The following BCAR1 variants were observed in gnomAD, a reference collection of about 807,000 sequenced individuals.
The protein encoded by BCAR1 is BCAR1 scaffold protein, Cas family member, also known as breast cancer anti-estrogen resistance protein 1.
BCAR1 carries 30 observed loss-of-function variants against 67.6 expected under a neutral mutation model. That is an observed-to-expected ratio of 0.44 (90% confidence interval 0.33 to 0.60). The LOEUF (loss-of-function observed/expected upper bound fraction) is 0.60, where lower values mean the gene tolerates loss of function less well. Among genes scored for constraint, BCAR1 ranks in the 20% least tolerant of loss-of-function variants. The pLI is 0.02. For synonymous variants in BCAR1, 626 were observed against 556.7 expected (o/e 1.12, Z -1.75); for missense variants, 1,313 against 1,222.3 (o/e 1.07, Z -1.11).
intron 1 of BCAR1, chr16:75,247,825 C>A (rs957201735): frequency 2.3e-5 from 13 of 571,618 alleles, no homozygotes; most frequent in Non-Finnish European, 3.8e-5. Context: ...GACCTCAGCA[C>A]CCGCAAGCCA....
intron 6 of BCAR1, among the ~76,000 whole-genome samples, chr16:75,231,912 G>T (rs771027369): frequency 2.6e-5 from 4 of 152,136 alleles, no homozygotes; most frequent in Non-Finnish European, 4.4e-5. Flanking sequence ...ACGGAGTTTC[G>T]CTCTTGTTGC....
chr16:75,252,874 G>T (rs1597266385), upstream of BCAR1, among the ~76,000 whole-genome samples: 1 of 152,298 alleles, frequency 6.6e-6, no homozygotes, highest in South Asian at 2.1e-4. Flanking sequence ...AAAGGGGCTA[G>T]GACAGCCCAT....
chr16:75,243,447 G>A (rs747099059), intron 1 of BCAR1: 15 of 567,060 alleles, frequency 2.6e-5, no homozygotes, highest in South Asian at 2.2e-4. Flanking sequence ...TCACGACAAA[G>A]CTGCCAAGTT....
upstream of BCAR1, among the ~76,000 whole-genome samples, chr16:75,252,880 C>T (rs976696636): frequency 2.6e-5 from 4 of 152,180 alleles, no homozygotes; most frequent in African/African-American, 4.8e-5. Flanking sequence ...GCTAGGACAG[C>T]CCATGATTTG....
rs777167754 is a variant in BCAR1, at chr16:75,237,352, C to T, written c.634-8G>A. ...GCGGGTGGGCACCACCACCTGGGGG[C>T]AGAGAGCCGACTTCACTGCTGCCCT... On this transcript the variant is annotated splice_polypyrimidine_tract_variant and splice_region_variant and intron_variant, in intron 2 of 6. Transcript: ENST00000162330. 1 of 1,460,880 alleles carries T rather than the reference C, an allele frequency of 6.8e-7. No individual in the cohort carries two copies. The highest frequency in any genetic ancestry group is 9.0e-7 in the Non-Finnish European group (1 of 1,108,162). The allele number at this position is 1,460,880 out of a possible 1,614,324, so 90.5% of individuals were successfully genotyped here.
intron 2 of BCAR1, among the ~76,000 whole-genome samples, chr16:75,240,193 C>G (rs2077290272): frequency 6.6e-6 from 1 of 152,212 alleles, no homozygotes. Flanking sequence ...TCCTGAGAGC[C>G]AGTGTCCCTC....
At chr16:75,250,597 C>A in intron 1 of BCAR1, 5 of 978,402 alleles carry the variant, frequency 5.1e-6, no homozygotes, top group Non-Finnish European at 6.1e-6. Flanking sequence ...ACTCGAAACC[C>A]CAACATCTTC....
intron 6 of BCAR1, among the ~76,000 whole-genome samples, chr16:75,230,733 G>A (rs949559128): frequency 2.0e-5 from 3 of 152,266 alleles, no homozygotes; most frequent in African/African-American, 4.8e-5. Context: ...CACCCTAGGC[G>A]CAAAGATCCA....
At chr16:75,263,953 G>T in intron 1 of BCAR1, 3 of 1,129,076 alleles carry the variant, frequency 2.7e-6, no homozygotes, top group Non-Finnish European at 3.3e-6. Flanking sequence ...GAGAGCCACG[G>T]TGATCTGCCA....
chr16:75,245,964 CTTTTTTTTTTTTTTTTTT>C (rs60320561), intron 1 of BCAR1: 3 of 49,634 alleles, frequency 6.0e-5, no homozygotes, highest in South Asian at 1.1e-3. Flanking sequence ...TAGGATTGTT[CTTTTTTTTTTTTTTTTTT>C]TTTTTTTTTT....
At chr16:75,258,710 A>G (rs556602190) in intron 1 of BCAR1, among the ~76,000 whole-genome samples, 13 of 152,258 alleles carry the variant, frequency 8.5e-5, no homozygotes, top group Admixed American at 2.0e-4. Context: ...AAAATAGCAC[A>G]GGCAAGCCAA....
chr16:75,242,790 T>C lies in BCAR1; in HGVS notation c.313A>G (p.Asn105Asp). The C allele has an allele frequency of 6.2e-7, 1 of 1,600,190 alleles. No homozygotes were observed. Among genetic ancestry groups the C allele is most frequent in the Non-Finnish European group, 8.5e-7 (1 of 1,173,616 alleles). ...CTGTCTGGCTGGGGCTGGTAGGTGT[T>C]GGGGAGCATGGGCGTGTACTGGGAG... ...PASQYTPMLP[N>D]TYQPQPDSVY... Residue 105 changes from asparagine to aspartate, a missense_variant, in exon 2 of 7, where the codon AAC becomes GAC. Physicochemically the swap from Asn to Asp is conservative, Grantham distance 23. Coordinates refer to ENST00000162330, the MANE Select transcript of BCAR1 (RefSeq NM_014567.5).
chr16:75,263,640 T>C (rs1001255648), intron 1 of BCAR1: 1 of 985,322 alleles, frequency 1.0e-6, no homozygotes, highest in African/African-American at 1.7e-5. Flanking sequence ...TCTCTCACCC[T>C]GCTTCCCCTC....
chr16:75,230,327 T>C (rs932279290), intron 6 of BCAR1, among the ~76,000 whole-genome samples: 2 of 152,114 alleles, frequency 1.3e-5, no homozygotes, highest in Non-Finnish European at 2.9e-5. Flanking sequence ...GTCACCGTCC[T>C]GGCTTGGGTA....
rs1439839147 is a variant in BCAR1 at position 75,235,288 on chromosome 16, C to T, written c.1611G>A (p.Leu537=). Reference sequence around the variant, plus strand: ...GCAGCTGCCGGCTAAGCTTGGCATGCAGGGCACGGTCAGATGTGTGGGCAG... The same window carrying T: ...GCAGCTGCCGGCTAAGCTTGGCATGTAGGGCACGGTCAGATGTGTGGGCAG... ...GNAAHTSDRA[L]HAKLSRQLQK... The change falls in exon 5 of 7, where the codon CTG becomes CTA. Residue 537 remains leucine, a synonymous_variant. Coordinates refer to ENST00000162330, the MANE Select transcript of BCAR1 (RefSeq NM_014567.5). The T allele has an allele frequency of 1.2e-6, 2 of 1,606,018 alleles. No individual in the cohort carries two copies. Among genetic ancestry groups the T allele is most frequent in the African/African-American group, 1.3e-5 (1 of 74,796 alleles).
intron 1 of BCAR1, chr16:75,251,024 G>A (rs1038880604): frequency 2.0e-6 from 2 of 978,556 alleles, no homozygotes; most frequent in Non-Finnish European, 2.4e-6. Context: ...TCGGTCCCCC[G>A]GAGCTCCTCC....
chr16:75,237,579 G>A (rs754436254), intron 2 of BCAR1: 6 of 508,376 alleles, frequency 1.2e-5, no homozygotes, highest in Non-Finnish European at 2.0e-5. Context: ...GCCTCGTCCT[G>A]GGCCAGGACA....
intron 1 of BCAR1, chr16:75,248,965 G>A: frequency 6.6e-6 from 1 of 152,534 alleles, no homozygotes; most frequent in Non-Finnish European, 1.5e-5. Context: ...GCTATGGGCT[G>A]AAAGCACACC....
intron 1 of BCAR1, among the ~76,000 whole-genome samples, chr16:75,265,403 C>T (rs2077985555): frequency 6.6e-6 from 1 of 152,142 alleles, no homozygotes; most frequent in African/African-American, 2.4e-5. Flanking sequence ...CCCCCTCATC[C>T]GGCCCAGCAG....
Sources: gnomAD v4.1 joint callset for allele counts (sites outside exome capture counted in the v4.1 genomes callset) on GRCh38, gnomAD v4.1.1 for gene constraint, MANE v1.5 for transcripts, NCBI Gene and HGNC (gene_info 2026-07-23, HGNC 2026-07-21) for gene names.